The following CTNNA2 variants were observed in gnomAD, a reference collection of about 807,000 sequenced individuals.
CTNNA2 encodes the protein catenin alpha 2, also known as catenin alpha-2.
A neutral mutation model predicts 101.0 loss-of-function variants in CTNNA2; 42 were observed. The observed-to-expected ratio is 0.42, with a 90% confidence interval of 0.32 to 0.54. CTNNA2 has a LOEUF of 0.54. CTNNA2 is among the 20% of genes least tolerant of loss of function. CTNNA2 has a pLI of 0.14. For synonymous variants in CTNNA2, 450 were observed against 456.4 expected (o/e 0.99, Z 0.18); for missense variants, 871 against 1,223.1 (o/e 0.71, Z 4.29).
intron 7 of CTNNA2, among the ~76,000 whole-genome samples, chr2:79,963,371 G>A (rs1421578422): frequency 6.6e-6 from 1 of 152,184 alleles, no homozygotes; most frequent in Non-Finnish European, 1.5e-5. Context: ...CACAGTCTAG[G>A]TAAGTTCTTG....
chr2:79,500,096 A>T (rs922864159), intron 4 of CTNNA2, among the ~76,000 whole-genome samples: 2 of 152,184 alleles, frequency 1.3e-5, no homozygotes, highest in African/African-American at 2.4e-5. Flanking sequence ...CTCATCCAAA[A>T]ATATCTTTCA....
chr2:79,681,782 A>G lies in CTNNA2; in HGVS notation c.102+30124A>G, dbSNP rs1341661267. 2.6e-5 allele frequency among the ~76,000 whole-genome samples: 4 copies of G among 152,208 alleles called. 1 individual carries two copies. The highest frequency in any genetic ancestry group is 9.6e-5 in the African/African-American group (4 of 41,454). ...AGCAGACTTATTATGTACAAGTAAC[A>G]TGGAATATATTTGGGAAAAACTTAC... On this transcript the variant is annotated intron_variant, in intron 2 of 18. Coordinates refer to ENST00000402739, the MANE Select transcript of CTNNA2 (RefSeq NM_001282597.3).
chr2:80,187,611 G>A (rs538380179), intron 7 of CTNNA2, among the ~76,000 whole-genome samples: 5 of 152,114 alleles, frequency 3.3e-5, no homozygotes, highest in African/African-American at 1.2e-4. Flanking sequence ...TAAGGCCTTG[G>A]GCTACCATTG....
At chr2:79,540,110 T>G (rs2103983432) in intron 1 of CTNNA2, among the ~76,000 whole-genome samples, 1 of 152,322 alleles carries the variant, frequency 6.6e-6, no homozygotes, top group South Asian at 2.1e-4. Context: ...CTTATATATT[T>G]TTTTGTATGA....
intron 1 of CTNNA2, among the ~76,000 whole-genome samples, chr2:79,631,115 A>G (rs187182612): frequency 1.7e-3 from 251 of 151,702 alleles, no homozygotes; most frequent in African/African-American, 5.8e-3. Flanking sequence ...TTTCTCAAGT[A>G]TATTTGCTCA....
At chr2:79,868,198 T>G (rs1682291436) in intron 4 of CTNNA2, among the ~76,000 whole-genome samples, 1 of 152,186 alleles carries the variant, frequency 6.6e-6, no homozygotes, top group Admixed American at 6.5e-5. Flanking sequence ...CATCGTTTCA[T>G]ATTTTTATAA....
intron 1 of CTNNA2, among the ~76,000 whole-genome samples, chr2:79,565,879 A>G (rs758019828): frequency 1.3e-5 from 2 of 151,996 alleles, no homozygotes; most frequent in Non-Finnish European, 2.9e-5. Flanking sequence ...GGTTATTGAG[A>G]CCATAGTAAA....
At chr2:79,548,716 A>T (rs1673895554) in intron 1 of CTNNA2, among the ~76,000 whole-genome samples, 1 of 152,144 alleles carries the variant, frequency 6.6e-6, no homozygotes, top group African/African-American at 2.4e-5. Flanking sequence ...ACCATTAATG[A>T]CTCAGCTTCT....
At chr2:80,204,060 C>G (rs890041735) in intron 7 of CTNNA2, among the ~76,000 whole-genome samples, 10 of 152,164 alleles carry the variant, frequency 6.6e-5, no homozygotes, top group South Asian at 2.1e-4. Flanking sequence ...CACAGGGCAC[C>G]AAGTCCCTAG....
At chr2:79,567,525 A>G (rs1675187798) in intron 1 of CTNNA2, among the ~76,000 whole-genome samples, 1 of 151,876 alleles carries the variant, frequency 6.6e-6, no homozygotes, top group African/African-American at 2.4e-5. Flanking sequence ...TTTTTCTTTC[A>G]TATTTCTGCC....
At chr2:79,617,275 C>A (rs1678691404) in intron 1 of CTNNA2, among the ~76,000 whole-genome samples, 1 of 152,128 alleles carries the variant, frequency 6.6e-6, no homozygotes, top group Admixed American at 6.5e-5. Flanking sequence ...ATTTTCAGTT[C>A]TTAAATTTTC....
intron 2 of CTNNA2, among the ~76,000 whole-genome samples, chr2:79,234,768 T>C (rs1674535791): frequency 6.6e-6 from 1 of 152,206 alleles, no homozygotes; most frequent in African/African-American, 2.4e-5. Context: ...GAGAGCTTAT[T>C]TGAAGAGCCA....
chr2:79,836,416 C>T (rs1679368644), intron 3 of CTNNA2, among the ~76,000 whole-genome samples: 1 of 152,164 alleles, frequency 6.6e-6, no homozygotes. Flanking sequence ...GCAGAGTACA[C>T]TTTCAAATGT....
Position 79,309,351 on chromosome 2 carries a change from T to G in CTNNA2, c.-405-3358T>G, listed in dbSNP as rs75779924. Among the ~76,000 whole-genome samples the G allele has an allele frequency of 3.2e-4, 48 of 152,268 alleles. No individual in the cohort carries two copies. The East Asian group carries it at 9.1e-3, about 29-fold the overall frequency. ...CAGTCAAAAAACAAAATTACACAAATTTAGTTTAAAAATCTCAATTGGCTT... is the reference window on the plus strand; with the variant it reads ...CAGTCAAAAAACAAAATTACACAAAGTTAGTTTAAAAATCTCAATTGGCTT... On this transcript the variant is annotated intron_variant, in intron 2 of 21. Transcript: ENST00000466387.
At chr2:79,830,240 G>A (rs1678824956) in intron 3 of CTNNA2, among the ~76,000 whole-genome samples, 1 of 152,152 alleles carries the variant, frequency 6.6e-6, no homozygotes, top group South Asian at 2.1e-4. Context: ...GCTGGCAGAG[G>A]ATGTAGAGTG....
chr2:79,916,779 C>T (rs967478823), intron 7 of CTNNA2, among the ~76,000 whole-genome samples: 24 of 151,696 alleles, frequency 1.6e-4, no homozygotes, highest in Admixed American at 2.0e-4. Flanking sequence ...CCCACCACCA[C>T]GCCCAGCTAA....
At chr2:80,287,572 C>T (rs569270032) in intron 7 of CTNNA2, among the ~76,000 whole-genome samples, 15 of 152,280 alleles carry the variant, frequency 9.9e-5, no homozygotes, top group African/African-American at 3.6e-4. Context: ...TTACTGAATA[C>T]TCACTATGTG....
At chr2:80,507,036 T>C (rs1372884073) in intron 9 of CTNNA2, among the ~76,000 whole-genome samples, 1 of 152,158 alleles carries the variant, frequency 6.6e-6, no homozygotes, top group Admixed American at 6.5e-5. Flanking sequence ...ATTATTGTGA[T>C]GAAAGAGTTT....
At chr2:80,093,261 T>C (rs1699906799) in intron 7 of CTNNA2, among the ~76,000 whole-genome samples, 1 of 152,114 alleles carries the variant, frequency 6.6e-6, no homozygotes, top group South Asian at 2.1e-4. Context: ...GGTGTTTGGT[T>C]TTTTGTCCTT....
Sources: gnomAD v4.1 joint callset for allele counts (sites outside exome capture counted in the v4.1 genomes callset) on GRCh38, gnomAD v4.1.1 for gene constraint, MANE v1.5 for transcripts, NCBI Gene and HGNC (gene_info 2026-07-23, HGNC 2026-07-21) for gene names.